The following PAAF1 variants were observed in gnomAD, a reference collection of about 807,000 sequenced individuals.
PAAF1 encodes proteasomal ATPase-associated factor 1.
A neutral mutation model predicts 52.8 loss-of-function variants in PAAF1; 46 were observed. The ratio of observed to expected loss-of-function variants is 0.87; its 90% CI spans 0.69 to 1.11. The LOEUF is 1.11. PAAF1 is among the 50% of genes most tolerant of loss of function. PAAF1 has a pLI of 0.00. For synonymous variants in PAAF1, 178 were observed against 172.8 expected (o/e 1.03, Z -0.24); for missense variants, 424 against 477.4 (o/e 0.89, Z 1.04).
At chr11:73,894,797 CTG>C (rs1283326858) in intron 4 of PAAF1, among the ~76,000 whole-genome samples, 1 of 152,146 alleles carries the variant, frequency 6.6e-6, no homozygotes, top group African/African-American at 2.4e-5. Context: ...GCACTCCAGC[CTG>C]TGTTACTGAG....
intron 6 of PAAF1, among the ~76,000 whole-genome samples, chr11:73,901,283 TATAG>T (rs1304995720): frequency 6.6e-6 from 1 of 152,202 alleles, no homozygotes; most frequent in Non-Finnish European, 1.5e-5. Flanking sequence ...AATATCAGAT[TATAG>T]ATATACAGTG....
intron 3 of PAAF1, among the ~76,000 whole-genome samples, chr11:73,890,823 T>C (rs1365627015): frequency 6.6e-6 from 1 of 152,246 alleles, no homozygotes; most frequent in Non-Finnish European, 1.5e-5. Flanking sequence ...GCTCTAATGC[T>C]TATTGGTTGT....
In PAAF1 at chr11:73,930,738, C is replaced by G. The variant is rs1950446417; in HGVS notation, c.*3376C>G. On this transcript the variant is annotated 3_prime_UTR_variant, in exon 12 of 12. Coordinates refer to ENST00000310571, the MANE Select transcript of PAAF1 (RefSeq NM_025155.3). ...CTCCAGCTTGGGCAACAGAGCGAGA[C>G]TCTCTCTCAAAAAAGAAAAAAAAAA... 1 of 149,178 alleles carries G rather than the reference C, an allele frequency of 6.7e-6. No individual in the cohort carries two copies. The highest frequency in any genetic ancestry group is 2.1e-4 in the South Asian group (1 of 4,742). The allele number at this position is 149,178 out of a possible 1,614,324, so 9.2% of individuals were successfully genotyped here. A position where few individuals can be genotyped will look rare whatever the true frequency, so the allele number is the denominator to read the frequency against.
chr11:73,927,016 C>T (rs1950380073), intron 11 of PAAF1, among the ~76,000 whole-genome samples: 1 of 152,202 alleles, frequency 6.6e-6, no homozygotes, highest in South Asian at 2.1e-4. Flanking sequence ...TGTGCTAAAC[C>T]TGAACAATAC....
At chr11:73,926,302 C>G (rs1296320308) in intron 11 of PAAF1, among the ~76,000 whole-genome samples, 1 of 152,156 alleles carries the variant, frequency 6.6e-6, no homozygotes, top group African/African-American at 2.4e-5. Context: ...GACGAGGTTT[C>G]TCCATGTTGG....
chr11:73,912,081 T>C (rs756465474), intron 7 of PAAF1, among the ~76,000 whole-genome samples: 19 of 152,208 alleles, frequency 1.2e-4, no homozygotes, highest in Non-Finnish European at 1.5e-5. Context: ...GTTTTCTTCC[T>C]ATTTCATTGA....
chr11:73,890,564 T>C (rs1447694582), intron 3 of PAAF1, among the ~76,000 whole-genome samples: 1 of 152,220 alleles, frequency 6.6e-6, no homozygotes, highest in East Asian at 1.9e-4. Context: ...GCCTACATAT[T>C]TTATGGGTGT....
At position 73,900,261 on chromosome 11, in the gene PAAF1, T is replaced by C. The variant is rs1949558819; in HGVS notation, c.382-9T>C. ...AGAACTAGCATGGAATTTTCTTTTG[T>C]TTTTCCAGAGAGTATTGGAAGGACA... On this transcript the variant is annotated splice_polypyrimidine_tract_variant and intron_variant, in intron 5 of 11. Coordinates refer to ENST00000310571, the MANE Select transcript of PAAF1 (RefSeq NM_025155.3). 1 of 1,584,730 alleles carries C rather than the reference T, an allele frequency of 6.3e-7. No homozygotes were observed. Among genetic ancestry groups the C allele is most frequent in the Non-Finnish European group, 8.6e-7 (1 of 1,159,666 alleles).
At chr11:73,919,141 C>A in intron 10 of PAAF1, 109 bp downstream of exon 10, 1 of 911,458 alleles carries the variant, frequency 1.1e-6, no homozygotes, top group Non-Finnish European at 1.7e-6. Flanking sequence ...CCCCATGATT[C>A]TTTGGCATAT....
intron 4 of PAAF1, among the ~76,000 whole-genome samples, chr11:73,892,064 C>T (rs574478856): frequency 5.9e-5 from 9 of 151,886 alleles, no homozygotes; most frequent in African/African-American, 2.2e-4. Context: ...GGCTCATGCC[C>T]GTAATCCTAG....
At chr11:73,893,237 T>C (rs1320593888) in intron 4 of PAAF1, among the ~76,000 whole-genome samples, 1 of 152,186 alleles carries the variant, frequency 6.6e-6, no homozygotes, top group African/African-American at 2.4e-5. Context: ...TATGAGGCTT[T>C]GGGTGTGTTC....
intron 6 of PAAF1, among the ~76,000 whole-genome samples, chr11:73,902,999 A>C (rs558772594): frequency 1.3e-5 from 2 of 152,364 alleles, no homozygotes; most frequent in African/African-American, 4.8e-5. Context: ...CGCCCGGCCT[A>C]GAATGTTAAA....
chr11:73,906,113 A>T (rs114085374), intron 6 of PAAF1, among the ~76,000 whole-genome samples: 1 of 152,246 alleles, frequency 6.6e-6, no homozygotes, highest in African/African-American at 2.4e-5. Flanking sequence ...GCAGCAAACC[A>T]TATGGGCTTG....
intron 6 of PAAF1, among the ~76,000 whole-genome samples, chr11:73,904,760 A>G (rs147080781): frequency 1.2e-4 from 18 of 152,374 alleles, no homozygotes; most frequent in African/African-American, 3.1e-4. Flanking sequence ...ACTTGTTAAG[A>G]ATATACACCT....
chr11:73,888,957 A>G (rs1285402151), intron 3 of PAAF1: 3 of 501,152 alleles, frequency 6.0e-6, no homozygotes, highest in African/African-American at 1.9e-5. Flanking sequence ...TACCATAACA[A>G]TCCTGTGGGA....
At chr11:73,891,911 T>A (rs1949212540) in intron 4 of PAAF1, among the ~76,000 whole-genome samples, 1 of 152,186 alleles carries the variant, frequency 6.6e-6, no homozygotes, top group Non-Finnish European at 1.5e-5. Context: ...CAAAGGTCTT[T>A]GTGATATAAA....
chr11:73,891,365 G>A (rs533977386), intron 4 of PAAF1, among the ~76,000 whole-genome samples, 164 bp downstream of exon 4: 26 of 152,178 alleles, frequency 1.7e-4, no homozygotes, highest in Non-Finnish European at 2.6e-4. Context: ...GGCAAAACTG[G>A]TACTCTAGTC....
chr11:73,911,325 G>C (rs952928096), intron 7 of PAAF1, among the ~76,000 whole-genome samples: 1 of 152,024 alleles, frequency 6.6e-6, no homozygotes, highest in Non-Finnish European at 1.5e-5. Flanking sequence ...TAGGACTCTA[G>C]GCATGCACCA....
chr11:73,877,800 C>A (rs987062853), intron 1 of PAAF1, among the ~76,000 whole-genome samples: 3 of 152,062 alleles, frequency 2.0e-5, no homozygotes, highest in African/African-American at 7.2e-5. Context: ...GCAGGAGAAT[C>A]GGTTGAACCC....
Sources: gnomAD v4.1 joint callset for allele counts (sites outside exome capture counted in the v4.1 genomes callset) on GRCh38, gnomAD v4.1.1 for gene constraint, MANE v1.5 for transcripts, NCBI Gene and HGNC (gene_info 2026-07-23, HGNC 2026-07-21) for gene names.